Variants in USP15 observed in about 807,000 individuals in gnomAD.
USP15 encodes ubiquitin specific peptidase 15.
A neutral mutation model predicts 127.1 loss-of-function variants in USP15; 18 were observed. That is an observed-to-expected ratio of 0.14 (90% CI 0.10 to 0.21). The LOEUF is 0.21. Ranked by LOEUF, USP15 falls within the 10% of genes least tolerant of loss-of-function variation. The pLI, the probability that USP15 is intolerant of heterozygous loss-of-function variation, is 1.00. For missense variants in USP15, 805 were observed against 1,159.9 expected (o/e 0.69, Z 4.44); for synonymous variants, 364 against 393.7 (o/e 0.92, Z 0.89).
chr12:62,365,956 C>T (rs907115139), intron 8 of USP15, among the ~76,000 whole-genome samples: 2 of 152,122 alleles, frequency 1.3e-5, no homozygotes, highest in Non-Finnish European at 2.9e-5. Flanking sequence ...GCTACTGTAG[C>T]CTTGTAGTAT....
intron 1 of USP15, among the ~76,000 whole-genome samples, chr12:62,263,284 T>C (rs943883117): frequency 6.6e-6 from 1 of 152,196 alleles, no homozygotes; most frequent in Non-Finnish European, 1.5e-5. Flanking sequence ...CTGATTGGGC[T>C]GTTGAGAAAA....
intron 8 of USP15, among the ~76,000 whole-genome samples, chr12:62,363,657 C>G (rs1195637925): frequency 2.0e-5 from 3 of 152,020 alleles, no homozygotes; most frequent in African/African-American, 7.2e-5. Context: ...TCTTCCCCTA[C>G]TCCCAACACA....
At chr12:62,265,556 T>C (rs1427027681) in intron 1 of USP15, among the ~76,000 whole-genome samples, 1 of 152,142 alleles carries the variant, frequency 6.6e-6, no homozygotes, top group Non-Finnish European at 1.5e-5. Context: ...TTTAAAAAAA[T>C]TTTTTCTAGA....
chr12:62,388,687 G>C (rs2167287), intron 11 of USP15, among the ~76,000 whole-genome samples: 1 of 152,006 alleles, frequency 6.6e-6, no homozygotes, highest in Non-Finnish European at 1.5e-5. Context: ...GGGCCTGGAT[G>C]GAAGGGCTAG....
Position 62,347,428 on chromosome 12 carries a change from T to G in USP15, c.684-1793T>G, listed in dbSNP as rs1231167116. Reference sequence around the variant, plus strand: ...ACTTTATTGGATGAAGCAATGGATCTTTATTTCCATAATTTTTACTATAAG... The same window carrying G: ...ACTTTATTGGATGAAGCAATGGATCGTTATTTCCATAATTTTTACTATAAG... On this transcript the variant is annotated intron_variant, in intron 6 of 21. Transcript: ENST00000280377. Among the ~76,000 whole-genome samples, 10 of 151,524 alleles carry G rather than the reference T, an allele frequency of 6.6e-5. No individual in the cohort carries two copies. In the East Asian group the frequency reaches 1.9e-3, roughly 29 times the overall value.
rs975539293 is a variant in USP15 at position 62,317,502 on chromosome 12, G to A, written c.475+2586G>A. ...ATCTGTGTATGCTAAAGGAATATTC[G>A]TTTTGGAGATATTAACTGGGCTGAT... is the stretch of plus-strand genomic sequence containing the variant. On this transcript the variant is annotated intron_variant, in intron 4 of 21. Transcript: ENST00000280377. 1.1e-4 allele frequency among the ~76,000 whole-genome samples: 16 copies of A among 152,224 alleles called. No individual in the cohort carries two copies. The East Asian group carries it at 2.1e-3, about 20-fold the overall frequency.
intron 8 of USP15, among the ~76,000 whole-genome samples, chr12:62,371,398 GTATAGTACCAGA>G (rs1204851488): frequency 2.0e-5 from 3 of 152,072 alleles, no homozygotes; most frequent in Non-Finnish European, 4.4e-5. Flanking sequence ...CCCAGTGTTA[GTATAGTACCAGA>G]TAATCGTAAG....
At chr12:62,304,947 A>C in intron 3 of USP15, 1 of 233,746 alleles carries the variant, frequency 4.3e-6, no homozygotes, top group Non-Finnish European at 8.7e-6. Context: ...GAATAAAATT[A>C]TTAGACCAAA....
At chr12:62,390,029 G>T in intron 14 of USP15, 41 bp downstream of exon 14, 2 of 1,480,078 alleles carry the variant, frequency 1.4e-6, no homozygotes, top group Non-Finnish European at 1.8e-6. Flanking sequence ...ATAAATATGG[G>T]AATAAAATAT....
intron 6 of USP15, chr12:62,327,539 T>C: frequency 2.7e-6 from 1 of 364,682 alleles, no homozygotes; most frequent in Non-Finnish European, 5.2e-6. Context: ...TACAAAATTG[T>C]TTGTGGATTA....
intron 3 of USP15, among the ~76,000 whole-genome samples, chr12:62,307,458 G>A (rs989440171): frequency 6.6e-6 from 1 of 152,108 alleles, no homozygotes; most frequent in Non-Finnish European, 1.5e-5. Flanking sequence ...ATATTTAAAA[G>A]GCTATGTTCT....
intron 11 of USP15, among the ~76,000 whole-genome samples, chr12:62,389,149 A>G (rs1440242163): frequency 6.6e-6 from 1 of 152,136 alleles, no homozygotes; most frequent in Admixed American, 6.5e-5. Flanking sequence ...ACAAAAAAAG[A>G]TAGCAAAAGT....
rs946444760 is a variant in USP15, at chr12:62,410,629, T to C, written c.*6254T>C. 2.0e-5 allele frequency: 3 copies of C among 152,160 alleles called. No individual in the cohort carries two copies. Among genetic ancestry groups the C allele is most frequent in the Admixed American group, 1.3e-4 (2 of 15,258 alleles). The allele number at this position is 152,160 out of a possible 1,614,324, so 9.4% of individuals were successfully genotyped here. On this transcript the variant is annotated 3_prime_UTR_variant, in exon 22 of 22. Transcript: ENST00000280377. The stretch of plus-strand genomic sequence containing the variant: ...AGATATGGTAGGAAACATTCTACAC[T>C]TACAACAACTTCCACCATAGCTAGC...
chr12:62,396,499 A>C, intron 20 of USP15, 101 bp downstream of exon 20: 2 of 1,016,222 alleles, frequency 2.0e-6, no homozygotes, highest in Non-Finnish European at 3.0e-6. Context: ...AAAATATCAG[A>C]TGTGTCTTGC....
At chr12:62,333,894 A>G (rs1302065937) in intron 6 of USP15, among the ~76,000 whole-genome samples, 3 of 152,168 alleles carry the variant, frequency 2.0e-5, no homozygotes, top group Non-Finnish European at 4.4e-5. Context: ...GGTAATGAAG[A>G]AGGACAGTTG....
intron 1 of USP15, among the ~76,000 whole-genome samples, chr12:62,263,864 T>C (rs1417132612): frequency 1.3e-5 from 2 of 152,186 alleles, no homozygotes; most frequent in Non-Finnish European, 2.9e-5. Flanking sequence ...TTCAGATACA[T>C]GGTGGTTTCT....
rs929186789 is a variant in USP15 at position 62,408,926 on chromosome 12, T to A, written c.*4551T>A. On this transcript the variant is annotated 3_prime_UTR_variant, in exon 22 of 22. Coordinates refer to ENST00000280377, the MANE Select transcript of USP15 (RefSeq NM_001252078.2). ...CCAAATAGCTCAGATAAGAAAACTT[T>A]GGTTTAAAATTGAGTTATTTTATAA... is the stretch of plus-strand genomic sequence containing the variant. 1 of 152,120 alleles carries A rather than the reference T, an allele frequency of 6.6e-6. No homozygotes were observed. Among genetic ancestry groups the A allele is most frequent in the African/African-American group, 2.4e-5 (1 of 41,454 alleles). The allele number at this position is 152,120 out of a possible 1,614,324, so 9.4% of individuals were successfully genotyped here.
chr12:62,336,394 G>A (rs1211844361), intron 6 of USP15: 1 of 985,188 alleles, frequency 1.0e-6, no homozygotes, highest in African/African-American at 1.7e-5. Context: ...CCATCCAAGA[G>A]CCATCCTGAG....
intron 6 of USP15, among the ~76,000 whole-genome samples, chr12:62,338,747 A>G (rs941008272): frequency 6.6e-6 from 1 of 151,878 alleles, no homozygotes; most frequent in Non-Finnish European, 1.5e-5. Flanking sequence ...TATTGCTTGT[A>G]TTTGTCAGGT....
Sources: allele counts gnomAD v4.1 joint callset (sites outside exome capture counted in the v4.1 genomes callset), GRCh38; gene constraint gnomAD v4.1.1; transcripts MANE v1.5; gene names NCBI Gene and HGNC (gene_info 2026-07-23, HGNC 2026-07-21).